The following LIFR variants were observed in gnomAD, a reference collection of about 807,000 sequenced individuals.
LIFR encodes leukemia inhibitory factor receptor.
A neutral mutation model predicts 122.2 loss-of-function variants in LIFR; 84 were observed. The ratio of observed to expected loss-of-function variants is 0.69; its 90% CI spans 0.58 to 0.82. The LOEUF is 0.82. Ranked by LOEUF, LIFR falls within the 40% of genes least tolerant of loss-of-function variation. The probability of loss-of-function intolerance (pLI) is 0.00; values close to 1 mark genes in which losing one functional copy is unlikely to be tolerated. For synonymous variants in LIFR, 422 were observed against 434.7 expected (o/e 0.97, Z 0.36); for missense variants, 1,294 against 1,311.6 (o/e 0.99, Z 0.21).
At chr5:38,484,659 TTAAC>T (rs935736046) in intron 18 of LIFR, 112 bp downstream of exon 18, 64 of 717,246 alleles carry the variant, frequency 8.9e-5, no homozygotes, top group Middle Eastern at 2.4e-4. Context: ...AAAACATTTT[TTAAC>T]TAACTTATTA....
chr5:38,530,730 C>T, intron 1 of LIFR, 64 bp from the exon 2 acceptor site: 2 of 1,291,272 alleles, frequency 1.5e-6, no homozygotes, highest in Admixed American at 1.7e-5. Flanking sequence ...TTATACTGTG[C>T]ACACAAACAC....
chr5:38,487,335 C>T (rs1383155771), intron 16 of LIFR, among the ~76,000 whole-genome samples: 1 of 152,184 alleles, frequency 6.6e-6, no homozygotes, highest in East Asian at 1.9e-4. Context: ...GGTGGAGTAT[C>T]GAATTTTAGG....
intron 5 of LIFR, among the ~76,000 whole-genome samples, chr5:38,518,091 T>C (rs1350928637): frequency 1.3e-5 from 2 of 151,672 alleles, no homozygotes; most frequent in African/African-American, 2.4e-5. Context: ...TCCAGCCAAG[T>C]TGACAGAGCA....
intron 4 of LIFR, among the ~76,000 whole-genome samples, chr5:38,524,392 G>A (rs924784364): frequency 3.9e-5 from 6 of 152,182 alleles, no homozygotes; most frequent in Admixed American, 3.3e-4. Context: ...CAGACTGCGG[G>A]GGATTGAGAC....
intron 1 of LIFR, among the ~76,000 whole-genome samples, chr5:38,564,735 T>TACACACACACACACAC (rs3047301): frequency 4.4e-5 from 6 of 137,406 alleles, no homozygotes; most frequent in East Asian, 2.1e-4. Context: ...ACACACACAC[T>TACACACACACACACAC]ACACACACAC....
At position 38,506,517 on chromosome 5, in the gene LIFR, G is replaced by A. The variant is rs1464961883; in HGVS notation, c.1107C>T (p.Tyr369=). 5 of 1,613,864 alleles carry A rather than the reference G, an allele frequency of 3.1e-6. No homozygotes were observed. The African/African-American group carries it at 5.3e-5, about 17-fold the overall frequency. ...GTTATCATTACCTTTCAACTAAAGTGTAGCTTGTAGCACGTGGGCCCACCA... is the reference window on the plus strand; with the variant it reads ...GTTATCATTACCTTTCAACTAAAGTATAGCTTGTAGCACGTGGGCCCACCA... ...TALVGPRATS[Y]TLVESFSGKY... Residue 369 remains tyrosine, a synonymous_variant, in exon 8 of 20, where the codon TAC becomes TAT. Coordinates refer to ENST00000453190, the MANE Select transcript of LIFR (RefSeq NM_001127671.2).
chr5:38,600,300 A>AG (rs1185643088), upstream of LIFR, among the ~76,000 whole-genome samples: 2 of 152,184 alleles, frequency 1.3e-5, no homozygotes, highest in African/African-American at 4.8e-5. Context: ...ACATATTCTC[A>AG]GGATCTTCTG....
intron 2 of LIFR, among the ~76,000 whole-genome samples, chr5:38,529,521 G>A (rs1746884855): frequency 6.6e-6 from 1 of 151,922 alleles, no homozygotes; most frequent in Admixed American, 6.6e-5. Flanking sequence ...CAATTCAGAA[G>A]ATTACAATCC....
chr5:38,534,332 G>A (rs1747178511), intron 1 of LIFR, among the ~76,000 whole-genome samples: 1 of 152,046 alleles, frequency 6.6e-6, no homozygotes, highest in South Asian at 2.1e-4. Flanking sequence ...GAAGTGTAGG[G>A]GCTCTTCAAG....
intron 10 of LIFR, 93 bp downstream of exon 10, chr5:38,503,883 A>C: frequency 1.1e-6 from 1 of 880,434 alleles, no homozygotes; most frequent in South Asian, 1.5e-5. Context: ...ATAATAAATA[A>C]TCTGAGAGCT....
In LIFR at chr5:38,518,381, T is replaced by C. The variant is rs111434245; in HGVS notation, c.561+5038A>G. Among the ~76,000 whole-genome samples the C allele has an allele frequency of 2.0e-3, 306 of 152,258 alleles. 1 individual carries two copies. Among genetic ancestry groups the C allele is most frequent in the African/African-American group, 6.9e-3 (288 of 41,542 alleles). On this transcript the variant is annotated intron_variant, in intron 5 of 19. Transcript: ENST00000453190. ...AATAATAGTATCACCCTCCTGGGACTGTTGTGAGGATAAAAAGAATCAAGG... is the reference window on the plus strand; with the variant it reads ...AATAATAGTATCACCCTCCTGGGACCGTTGTGAGGATAAAAAGAATCAAGG...
At position 38,484,072 on chromosome 5, in the gene LIFR, T is replaced by A. The variant is rs574688000; in HGVS notation, c.2591+703A>T. Among the ~76,000 whole-genome samples the A allele has an allele frequency of 2.4e-4, 36 of 152,326 alleles. No individual in the cohort carries two copies. In the South Asian group the frequency reaches 2.7e-3, roughly 11 times the overall value. ...TCTGAAGGTTTGACTCTTTCCAATTTCAGGGCCCTCAAAGAAATAATTATC... is the reference window on the plus strand; with the variant it reads ...TCTGAAGGTTTGACTCTTTCCAATTACAGGGCCCTCAAAGAAATAATTATC... On this transcript the variant is annotated intron_variant, in intron 18 of 19. Coordinates refer to ENST00000453190, the MANE Select transcript of LIFR (RefSeq NM_001127671.2).
rs1053170992 is a variant in LIFR at position 38,530,789 on chromosome 5, G to A, written c.-19-123C>T. ...GAAACACTGTACATTTAGAGACTTT[G>A]GAGATACTCAAACTCAAGCTTCCCT... On this transcript the variant is annotated intron_variant, in intron 1 of 19. Coordinates refer to ENST00000453190, the MANE Select transcript of LIFR (RefSeq NM_001127671.2). The A allele has an allele frequency of 5.5e-6, 5 of 909,668 alleles. No homozygotes were observed. The African/African-American group carries it at 6.6e-5, about 12-fold the overall frequency. The allele number at this position is 909,668 out of a possible 1,614,324, so 56.3% of individuals were successfully genotyped here.
intron 15 of LIFR, 30 bp downstream of exon 15, chr5:38,490,160 C>T: frequency 1.0e-6 from 1 of 955,826 alleles, no homozygotes; most frequent in Middle Eastern, 2.2e-4. Flanking sequence ...TTGCCTTGAG[C>T]TCTTATAAAT....
In LIFR at chr5:38,592,296, A is replaced by G. The variant is rs187472053; in HGVS notation, c.-20+2965T>C. On this transcript the variant is annotated intron_variant, in intron 1 of 19. Transcript: ENST00000263409. ...ATTGGAAATTTCTTTAAGAAAAAAAAAGAGGAAAGAATTAAAAGGTATAGA... is the reference window on the plus strand; with the variant it reads ...ATTGGAAATTTCTTTAAGAAAAAAAGAGAGGAAAGAATTAAAAGGTATAGA... 2.2e-3 allele frequency among the ~76,000 whole-genome samples: 337 copies of G among 152,304 alleles called. 2 individuals carry two copies. The highest frequency in any genetic ancestry group is 7.6e-3 in the African/African-American group (314 of 41,566).
intron 1 of LIFR, among the ~76,000 whole-genome samples, chr5:38,578,190 CTTTTCTTTTTCT>C (rs1405248851): frequency 2.0e-4 from 25 of 127,674 alleles, no homozygotes; most frequent in Non-Finnish European, 3.6e-4. Context: ...TTTTTCTTTT[CTTTTCTTTTTCT>C]TTTTCTTTTT....
At chr5:38,526,645 G>A (rs747011542) in intron 4 of LIFR, among the ~76,000 whole-genome samples, 4 of 152,008 alleles carry the variant, frequency 2.6e-5, no homozygotes, top group African/African-American at 7.3e-5. Context: ...CATCTCCTCC[G>A]TTCCTTACAC....
chr5:38,535,701 C>CA (rs1286081067), intron 1 of LIFR, among the ~76,000 whole-genome samples: 1 of 152,208 alleles, frequency 6.6e-6, no homozygotes, highest in Non-Finnish European at 1.5e-5. Flanking sequence ...CTGTAACCCT[C>CA]AGTGTCCAAG....
intron 7 of LIFR, among the ~76,000 whole-genome samples, chr5:38,507,346 C>T (rs983245963): frequency 6.6e-6 from 1 of 151,552 alleles, no homozygotes; most frequent in Non-Finnish European, 1.5e-5. Context: ...GGCAAATCAC[C>T]TGAAGTCAGG....
Sources: allele counts gnomAD v4.1 joint callset (sites outside exome capture counted in the v4.1 genomes callset), GRCh38; gene constraint gnomAD v4.1.1; transcripts MANE v1.5; gene names NCBI Gene and HGNC (gene_info 2026-07-23, HGNC 2026-07-21).